SETD2: variants seen among roughly 807,000 people sequenced by gnomAD.
The protein encoded by SETD2 is SET domain containing 2, histone lysine methyltransferase, also known as histone-lysine N-methyltransferase SETD2.
In SETD2, 31 loss-of-function variants were observed where a neutral mutation model predicts 242.1. The ratio of observed to expected loss-of-function variants is 0.13; its 90% CI spans 0.10 to 0.17. The LOEUF (loss-of-function observed/expected upper bound fraction) is 0.17. SETD2 is among the 10% of genes least tolerant of loss of function. The pLI is 1.00. For synonymous variants in SETD2, 1,006 were observed against 1,066.5 expected, an observed-to-expected ratio of 0.94 and a Z score of 1.11; for missense variants, 2,481 against 3,046.3, an observed-to-expected ratio of 0.81 and a Z score of 4.37.
chr3:47,056,680 A>G, intron 15 of SETD2, 141 bp downstream of exon 15: 1 of 673,320 alleles, frequency 1.5e-6, no homozygotes, highest in Non-Finnish European at 2.5e-6. Context: ...GCAATATTTC[A>G]CACAATAGAT....
At position 47,120,707 on chromosome 3, in the gene SETD2, G is replaced by A. The variant is rs2107745016; in HGVS notation, c.3929C>T (p.Ser1310Leu). ...WQGNGYWDPR[S>L]GRPPGTGVVY... ...AACCCCAGTTCCAGGAGGTCTACCTGATCTTGGATCCCAGTAACCATTGCC... is the reference window on the plus strand; with the variant it reads ...AACCCCAGTTCCAGGAGGTCTACCTAATCTTGGATCCCAGTAACCATTGCC... The change falls in exon 3 of 21, where the codon TCA becomes TTA. Residue 1310 changes from serine (S) to leucine (L), a missense_variant. Ser to Leu is a moderately radical substitution (Grantham distance 145). Around this residue, in one of 17 missense-constraint regions of SETD2, gnomAD observed 1,300 missense variants for 1,259.2 expected, o/e 1.03. Coordinates refer to ENST00000409792, the MANE Select transcript of SETD2 (RefSeq NM_014159.7). The A allele has an allele frequency of 6.2e-7, 1 of 1,614,142 alleles. No homozygotes were observed. Among genetic ancestry groups the A allele is most frequent in the Non-Finnish European group, 8.5e-7 (1 of 1,180,032 alleles).
intron 3 of SETD2, among the ~76,000 whole-genome samples, chr3:47,117,162 G>A (rs1324840987): frequency 6.6e-6 from 1 of 150,546 alleles, no homozygotes; most frequent in East Asian, 1.9e-4. Context: ...ACTACGCCTG[G>A]CTAGATTCAC....
chr3:47,033,159 A>C (rs2038850088), intron 18 of SETD2, among the ~76,000 whole-genome samples: 1 of 152,192 alleles, frequency 6.6e-6, no homozygotes, highest in African/African-American at 2.4e-5. Context: ...AAGTTTTATG[A>C]TGCCTATGTT....
In SETD2 at chr3:47,017,080, C is replaced by A. The variant is rs772010240; in HGVS notation, c.*13G>T. ...CTTACCTGACCACCCATCCTCCCAC[C>A]CTGGCCCAACAGTCACTCTAATTCA... On this transcript the variant is annotated 3_prime_UTR_variant, in exon 21 of 21. Transcript: ENST00000409792. This position sits in a 1 kb window ranked among gnomAD's most constrained non-coding sequence, Gnocchi z 4.8. 1 of 1,613,678 alleles carries A rather than the reference C, an allele frequency of 6.2e-7. No individual in the cohort carries two copies. Among genetic ancestry groups the A allele is most frequent in the South Asian group, 1.1e-5 (1 of 91,038 alleles).
At chr3:47,027,392 C>G (rs1463406209) in intron 18 of SETD2, among the ~76,000 whole-genome samples, 1 of 146,154 alleles carries the variant, frequency 6.8e-6, no homozygotes, top group Non-Finnish European at 1.5e-5. Context: ...AGGGGAACAT[C>G]ACACACCAGG....
intron 12 of SETD2, among the ~76,000 whole-genome samples, chr3:47,070,371 T>C (rs1575724018): frequency 6.6e-6 from 1 of 152,208 alleles, no homozygotes; most frequent in East Asian, 1.9e-4. Flanking sequence ...AGCTGCTAAC[T>C]TGATCCTCTC....
Position 47,083,916 on chromosome 3 carries a change from T to C in SETD2, c.5864A>G (p.Glu1955Gly). 1 of 1,614,194 alleles carries C rather than the reference T, an allele frequency of 6.2e-7. No individual in the cohort carries two copies. Among genetic ancestry groups the C allele is most frequent in the East Asian group, 2.2e-5 (1 of 44,886 alleles). ...EASKLPTSEP[E>G]ADAEIEPKES... ...TTTGGGCTCTATTTCAGCGTCAGCT[T>C]CTGGTTCAGATGTAGGTAGCTTACT... The change falls in exon 12 of 21, where the codon GAA becomes GGA. Residue 1955 changes from glutamate to glycine, a missense_variant. This residue lies in a region of SETD2 where 203 missense variants were observed against 222.4 expected (regional missense o/e 0.91). Transcript: ENST00000409792.
rs546663115 is a variant in SETD2 at position 47,105,929 on chromosome 3, A to G, written c.4839+68T>C. 4 of 1,491,384 alleles carry G rather than the reference A, an allele frequency of 2.7e-6. No individual in the cohort carries two copies. In the South Asian group the frequency reaches 3.8e-5, roughly 14 times the overall value. 92.4% of individuals were successfully genotyped at this position (1,491,384 alleles called of 1,614,324 possible). ...AAAAAAAAAAAAAAAAAAAAAATCA[A>G]ATCAGTATCAATGGCTCCTTCAAAC... On this transcript the variant is annotated intron_variant, in intron 6 of 20. Transcript: ENST00000409792.
intron 17 of SETD2, among the ~76,000 whole-genome samples, chr3:47,040,048 C>T (rs1287629461): frequency 6.6e-6 from 1 of 151,874 alleles, no homozygotes; most frequent in Non-Finnish European, 1.5e-5. Flanking sequence ...GCGATCTCAG[C>T]TAACTGCAAC....
chr3:47,163,125 T>C (rs987101683), intron 1 of SETD2, among the ~76,000 whole-genome samples: 1 of 152,164 alleles, frequency 6.6e-6, no homozygotes, highest in Non-Finnish European at 1.5e-5. Flanking sequence ...TGTATGTCCC[T>C]CAGGAGGCTT....
At chr3:47,027,636 T>C (rs561501318) in intron 18 of SETD2, among the ~76,000 whole-genome samples, 10 of 152,198 alleles carry the variant, frequency 6.6e-5, no homozygotes, top group Admixed American at 3.9e-4. Context: ...AGAGGTCTTA[T>C]TGGGAGGAGG....
At chr3:47,091,226 T>A (rs1173464888) in intron 9 of SETD2, among the ~76,000 whole-genome samples, 1 of 152,222 alleles carries the variant, frequency 6.6e-6, no homozygotes, top group Admixed American at 6.5e-5. Context: ...TTCTACGGTA[T>A]TAGATGAGTT....
intron 7 of SETD2, 86 bp from the exon 8 acceptor site, chr3:47,101,641 T>A: frequency 2.9e-6 from 2 of 692,872 alleles, no homozygotes; most frequent in Non-Finnish European, 5.0e-6. Context: ...TGTGCGCATA[T>A]ATAAAGATCA....
intron 6 of SETD2, among the ~76,000 whole-genome samples, chr3:47,104,928 C>T (rs1416595900): frequency 3.3e-5 from 5 of 152,000 alleles, no homozygotes; most frequent in East Asian, 3.9e-4. Flanking sequence ...AAACCATGCC[C>T]GGTTAATTTT....
At chr3:47,113,821 AG>A (rs2042750434) in intron 5 of SETD2, 54 bp downstream of exon 5, 1 of 1,560,884 alleles carries the variant, frequency 6.4e-7, no homozygotes, top group African/African-American at 1.4e-5. Flanking sequence ...TCTGGGTGAA[AG>A]AGTGAGACCT....
chr3:47,106,249 A>G, intron 5 of SETD2, 129 bp from the exon 6 acceptor site: 1 of 821,384 alleles, frequency 1.2e-6, no homozygotes, highest in Non-Finnish European at 1.8e-6. Flanking sequence ...TACACAAAAT[A>G]AATTTCAAAC....
At chr3:47,066,964 T>A in intron 13 of SETD2, 106 bp downstream of exon 13, 1 of 746,916 alleles carries the variant, frequency 1.3e-6, no homozygotes, top group Non-Finnish European at 2.3e-6. Flanking sequence ...AGTTATATAT[T>A]CTCTAGTTTC....
intron 17 of SETD2, among the ~76,000 whole-genome samples, chr3:47,040,569 ATTTTTT>A (rs34309892): frequency 1.4e-4 from 13 of 91,722 alleles, no homozygotes; most frequent in South Asian, 3.9e-4. Flanking sequence ...AGGGAAAAGG[ATTTTTT>A]TTTTTTTTTT....
At chr3:47,062,367 G>GTTT in intron 13 of SETD2, 21 bp from the exon 14 acceptor site, 1 of 1,413,432 alleles carries the variant, frequency 7.1e-7, no homozygotes, top group East Asian at 2.6e-5. Context: ...AGGGTGGTTT[G>GTTT]TTTGTTTTTT....
Sources: gnomAD v4.1 joint callset for allele counts (sites outside exome capture counted in the v4.1 genomes callset) on GRCh38, gnomAD v4.1.1 for gene constraint, gnomAD v4.1.1 regional missense constraint, Gnocchi (gnomAD v3.1) non-coding constraint, MANE v1.5 for transcripts, NCBI Gene and HGNC (gene_info 2026-07-23, HGNC 2026-07-21) for gene names.